PRKAG2: variants seen among roughly 807,000 people sequenced by gnomAD.
PRKAG2 encodes the protein protein kinase AMP-activated non-catalytic subunit gamma 2.
PRKAG2 carries 26 observed loss-of-function variants against 69.6 expected under a neutral mutation model. The observed-to-expected ratio is 0.37, with a 90% CI of 0.27 to 0.52. PRKAG2 has a LOEUF of 0.52. Among genes scored for constraint, PRKAG2 ranks in the 20% least tolerant of loss-of-function variants. The probability of loss-of-function intolerance (pLI) is 0.90; values close to 1 mark genes in which losing one functional copy is unlikely to be tolerated. For synonymous variants in PRKAG2, 293 were observed against 285.0 expected, an observed-to-expected ratio of 1.03 and a Z score of -0.28; for missense variants, 557 against 740.0, an observed-to-expected ratio of 0.75 and a Z score of 2.87.
intron 4 of PRKAG2, among the ~76,000 whole-genome samples, chr7:151,644,649 G>A (rs1827270111): frequency 6.6e-6 from 1 of 152,186 alleles, no homozygotes; most frequent in African/African-American, 2.4e-5. Context: ...CTGTGAACAT[G>A]TGTGGTCAAG....
rs1216811853 is a variant in PRKAG2, at chr7:151,835,450, C to T, written c.114+41057G>A. Reference sequence around the variant, plus strand: ...CTCAAGTGATCCTCCCACCTCGGCCCCACAAAGTGCTGGGATTACAGGCAT... The same window carrying T: ...CTCAAGTGATCCTCCCACCTCGGCCTCACAAAGTGCTGGGATTACAGGCAT... On this transcript the variant is annotated intron_variant, in intron 1 of 15. Transcript: ENST00000287878. The surrounding 1 kb of genome is among the most constrained non-coding windows in gnomAD (Gnocchi z 4.1). 6.6e-6 allele frequency among the ~76,000 whole-genome samples: 1 copy of T among 151,974 alleles called. No individual in the cohort carries two copies. The highest frequency in any genetic ancestry group is 1.5e-5 in the Non-Finnish European group (1 of 67,974).
intron 2 of PRKAG2, 105 bp downstream of exon 2, chr7:151,786,365 G>T: frequency 8.9e-7 from 1 of 1,122,340 alleles, no homozygotes; most frequent in Non-Finnish European, 1.3e-6. Context: ...GCGGACATGC[G>T]GGTGGGCGTG....
chr7:151,759,404 C>A (rs2075287615), intron 3 of PRKAG2, among the ~76,000 whole-genome samples: 1 of 152,194 alleles, frequency 6.6e-6, no homozygotes, highest in Non-Finnish European at 1.5e-5. Context: ...ACCTGTGGTA[C>A]CGATTGTCCC....
At chr7:151,874,303 TATGTATATGTATATG>T (rs1489087089) in intron 1 of PRKAG2, among the ~76,000 whole-genome samples, 4 of 92,758 alleles carry the variant, frequency 4.3e-5, no homozygotes, top group Non-Finnish European at 6.3e-5. Context: ...ATATGATGTA[TATGTATATGTATATG>T]ATGTATATGT....
rs529141425 is a variant in PRKAG2 at position 151,669,736 on chromosome 7, A to C, written c.684+5684T>G. 1.1e-4 allele frequency among the ~76,000 whole-genome samples: 16 copies of C among 151,868 alleles called. No individual in the cohort carries two copies. The South Asian group carries it at 1.5e-3, about 14-fold the overall frequency. On this transcript the variant is annotated intron_variant, in intron 4 of 15. Coordinates refer to ENST00000287878, the MANE Select transcript of PRKAG2 (RefSeq NM_016203.4). ...TTGGACTACCACCACCTACACACACACCTGTGCACACACCTGCATGCACAC... is the reference window on the plus strand; with the variant it reads ...TTGGACTACCACCACCTACACACACCCCTGTGCACACACCTGCATGCACAC...
chr7:151,743,196 C>G (rs1026606626), intron 3 of PRKAG2, among the ~76,000 whole-genome samples: 11 of 152,284 alleles, frequency 7.2e-5, no homozygotes, highest in Middle Eastern at 3.4e-3. Context: ...AAGAATGGCT[C>G]CCAAATAGGA....
chr7:151,591,564 C>G (rs1259907128), intron 6 of PRKAG2, among the ~76,000 whole-genome samples: 1 of 152,202 alleles, frequency 6.6e-6, no homozygotes, highest in Non-Finnish European at 1.5e-5. Flanking sequence ...CAAGTTGTCA[C>G]TCCACACTCC....
intron 4 of PRKAG2, among the ~76,000 whole-genome samples, chr7:151,665,588 T>A (rs985856257): frequency 6.6e-6 from 1 of 152,224 alleles, no homozygotes; most frequent in Non-Finnish European, 1.5e-5. Flanking sequence ...GCTCTCGTGA[T>A]AACCAATCCC....
In PRKAG2 at chr7:151,573,333, GTTTTTTTTTTTTT is replaced by G. The variant is rs57854174; in HGVS notation, c.1006-637_1006-625del. Among the ~76,000 whole-genome samples the G allele has an allele frequency of 4.8e-5, 4 of 82,882 alleles. No homozygotes were observed. The South Asian group carries it at 1.5e-3, about 31-fold the overall frequency. The allele number at this position is 82,882 out of a possible 152,430, so 54.4% of individuals were successfully genotyped here. The stretch of plus-strand genomic sequence containing the variant: ...CACCATGCCTGGCTAATTTTTGTGG[GTTTTTTTTTTTTT>G]TTTTTTTTTTTTTTTGTAGAGATGG... On this transcript the variant is annotated intron_variant, in intron 8 of 15. Coordinates refer to ENST00000287878, the MANE Select transcript of PRKAG2 (RefSeq NM_016203.4).
chr7:151,576,280 T>C, intron 7 of PRKAG2, 91 bp downstream of exon 7: 1 of 1,180,610 alleles, frequency 8.5e-7, no homozygotes. Context: ...GTTTACTAGG[T>C]TGAATTCCAA....
intron 3 of PRKAG2, among the ~76,000 whole-genome samples, chr7:151,696,184 T>A (rs557736581): frequency 2.6e-4 from 39 of 152,314 alleles, no homozygotes; most frequent in African/African-American, 8.9e-4. Context: ...TCCTCCTCCC[T>A]TCTCCTTATT....
At chr7:151,869,753 G>A (rs915782298) in intron 1 of PRKAG2, among the ~76,000 whole-genome samples, 16 of 152,256 alleles carry the variant, frequency 1.1e-4, no homozygotes, top group African/African-American at 3.9e-4. Flanking sequence ...GACCCTCGCT[G>A]ATCAGCCCTC....
At chr7:151,830,922 G>C (rs140942657) in intron 1 of PRKAG2, among the ~76,000 whole-genome samples, 1,902 of 152,052 alleles carry the variant, frequency 0.013, 37 homozygotes, top group African/African-American at 0.042. Flanking sequence ...AGGTGAAGGA[G>C]TTTCCCTCAC....
At chr7:151,775,913 T>G (rs1333862170) in intron 3 of PRKAG2, among the ~76,000 whole-genome samples, 1 of 152,144 alleles carries the variant, frequency 6.6e-6, no homozygotes, top group Non-Finnish European at 1.5e-5. Context: ...CAATCTACAG[T>G]CTGGGAACCC....
rs948853584 is a variant in PRKAG2, at chr7:151,786,434, G to A, written c.186+36C>T. On this transcript the variant is annotated intron_variant, in intron 2 of 15. Transcript: ENST00000287878. ...TCTGCCTGCCTCCGTGGCACCTCAA[G>A]TGAGCTGTGAGAAACTTCTGGAAAG... The A allele has an allele frequency of 4.4e-6, 7 of 1,574,812 alleles. No individual in the cohort carries two copies. In the African/African-American group the frequency reaches 6.7e-5, roughly 15 times the overall value.
rs956984227 is a variant in PRKAG2 at position 151,850,152 on chromosome 7, AG to A, written c.114+26354del. Among the ~76,000 whole-genome samples the A allele has an allele frequency of 2.0e-5, 3 of 152,090 alleles. No homozygotes were observed. Among genetic ancestry groups the A allele is most frequent in the Admixed American group, 6.5e-5 (1 of 15,276 alleles). On this transcript the variant is annotated intron_variant, in intron 1 of 15. Coordinates refer to ENST00000287878, the MANE Select transcript of PRKAG2 (RefSeq NM_016203.4). This position sits in a 1 kb window ranked among gnomAD's most constrained non-coding sequence, Gnocchi z 4.1. ...CTCAGTGTCTGCAGAAAGAAGCGGG[AG>A]GGGGGTGCAGGGGAACCGTAGCACC...
chr7:151,817,753 G>A (rs551816230), intron 1 of PRKAG2, among the ~76,000 whole-genome samples: 16 of 152,110 alleles, frequency 1.1e-4, no homozygotes, highest in Admixed American at 2.6e-4. Flanking sequence ...CCATTTTATC[G>A]ATAAGGAAAT....
chr7:151,799,288 A>G (rs1364206247), intron 1 of PRKAG2, among the ~76,000 whole-genome samples: 3 of 152,228 alleles, frequency 2.0e-5, no homozygotes, highest in Admixed American at 6.5e-5. Context: ...TGCAACTTCT[A>G]ACCAAGGTCC....
chr7:151,688,051 CGGGCT>C (rs1182015078), intron 3 of PRKAG2, among the ~76,000 whole-genome samples: 4 of 145,590 alleles, frequency 2.7e-5, no homozygotes, highest in Non-Finnish European at 3.1e-5. Flanking sequence ...GGCCCCCCCC[CGGGCT>C]CCTTGCTGAG....
Sources: gnomAD v4.1 joint callset for allele counts (sites outside exome capture counted in the v4.1 genomes callset) on GRCh38, gnomAD v4.1.1 for gene constraint, Gnocchi (gnomAD v3.1) non-coding constraint, MANE v1.5 for transcripts, NCBI Gene and HGNC (gene_info 2026-07-23, HGNC 2026-07-21) for gene names.